Variants in NRXN1 observed in about 807,000 individuals in gnomAD.
NRXN1 encodes neurexin-1.
A neutral mutation model predicts 150.9 loss-of-function variants in NRXN1; 39 were observed. The observed-to-expected ratio is 0.26, with a 90% confidence interval of 0.20 to 0.34. NRXN1 has a LOEUF of 0.34. Ranked by LOEUF, NRXN1 falls within the 10% of genes least tolerant of loss-of-function variation. NRXN1 has a pLI of 1.00. For synonymous variants in NRXN1, 924 were observed against 757.0 expected (o/e 1.22, Z -3.62); for missense variants, 1,815 against 1,949.9 (o/e 0.93, Z 1.30).
chr2:50,490,863 G>A (rs886340610), intron 15 of NRXN1, among the ~76,000 whole-genome samples: 2 of 152,040 alleles, frequency 1.3e-5, no homozygotes, highest in African/African-American at 4.8e-5. Context: ...AGCTGAAAGG[G>A]TTTCTTGTCT....
At chr2:50,562,904 C>A (rs2105404847) in intron 8 of NRXN1, among the ~76,000 whole-genome samples, 1 of 152,158 alleles carries the variant, frequency 6.6e-6, no homozygotes, top group Admixed American at 6.6e-5. Flanking sequence ...GTGTGTTAGG[C>A]TCCTTCCAAT....
At chr2:50,505,343 T>C (rs1212043241) in intron 13 of NRXN1, among the ~76,000 whole-genome samples, 1 of 152,194 alleles carries the variant, frequency 6.6e-6, no homozygotes, top group Non-Finnish European at 1.5e-5. Context: ...AATGGGAATA[T>C]GTGTGTCCTA....
At chr2:50,498,150 T>C (rs2091750033) in intron 13 of NRXN1, among the ~76,000 whole-genome samples, 1 of 152,162 alleles carries the variant, frequency 6.6e-6, no homozygotes, top group South Asian at 2.1e-4. Context: ...GGTGATGTTA[T>C]TCCTTATAAA....
intron 21 of NRXN1, among the ~76,000 whole-genome samples, chr2:50,043,346 T>G (rs536454912): frequency 1.6e-4 from 25 of 152,324 alleles, no homozygotes; most frequent in African/African-American, 4.8e-4. Flanking sequence ...CTGCAGTGTC[T>G]TATCTTCTAT....
chr2:50,070,237 T>C (rs1157085340), intron 19 of NRXN1, among the ~76,000 whole-genome samples: 1 of 152,154 alleles, frequency 6.6e-6, no homozygotes, highest in East Asian at 1.9e-4. Context: ...CTCCTCTTCA[T>C]TTGAAATTTT....
intron 8 of NRXN1, among the ~76,000 whole-genome samples, chr2:50,580,046 T>G (rs898717997): frequency 3.3e-5 from 5 of 152,234 alleles, no homozygotes; most frequent in Non-Finnish European, 5.9e-5. Context: ...GAACAGGTCT[T>G]ATTCTTCTTT....
intron 5 of NRXN1, among the ~76,000 whole-genome samples, chr2:50,697,345 A>G (rs1693057267): frequency 6.6e-6 from 1 of 152,206 alleles, no homozygotes; most frequent in Non-Finnish European, 1.5e-5. Flanking sequence ...TGTCTAAGAG[A>G]GAGGATGCTC....
chr2:50,766,163 G>C (rs866917502), intron 5 of NRXN1, among the ~76,000 whole-genome samples: 1 of 151,948 alleles, frequency 6.6e-6, no homozygotes, highest in East Asian at 1.9e-4. Flanking sequence ...AAGTAGCATA[G>C]AAATCAGGGA....
chr2:49,938,088 GAA>G (rs1671360189), intron 22 of NRXN1, among the ~76,000 whole-genome samples: 1 of 152,122 alleles, frequency 6.6e-6, no homozygotes, highest in Non-Finnish European at 1.5e-5. Flanking sequence ...AATATGACAT[GAA>G]ATTATTTAAA....
chr2:50,090,691 C>T (rs924265455), intron 19 of NRXN1, among the ~76,000 whole-genome samples: 3 of 152,144 alleles, frequency 2.0e-5, no homozygotes, highest in South Asian at 2.1e-4. Flanking sequence ...TTATCAATAA[C>T]GGCTTGACAT....
chr2:50,501,201 C>A (rs138930549), intron 13 of NRXN1, among the ~76,000 whole-genome samples: 1 of 151,904 alleles, frequency 6.6e-6, no homozygotes, highest in African/African-American at 2.4e-5. Flanking sequence ...GAAGGGGAGA[C>A]GGATGAAGGA....
intron 18 of NRXN1, among the ~76,000 whole-genome samples, chr2:50,204,644 T>G (rs2062433763): frequency 6.6e-6 from 1 of 152,046 alleles, no homozygotes; most frequent in Non-Finnish European, 1.5e-5. Flanking sequence ...GGCTTGCCAT[T>G]TGGTTGGGTG....
intron 17 of NRXN1, among the ~76,000 whole-genome samples, chr2:50,313,912 T>C (rs2075378451): frequency 6.6e-6 from 1 of 152,118 alleles, no homozygotes; most frequent in Admixed American, 6.6e-5. Flanking sequence ...TGGGGAGCTC[T>C]GCTGTAAATA....
chr2:49,994,286 G>T (rs921574825), intron 21 of NRXN1, among the ~76,000 whole-genome samples: 1 of 152,130 alleles, frequency 6.6e-6, no homozygotes, highest in African/African-American at 2.4e-5. Context: ...ATTAATATGT[G>T]CAGGCAGAAA....
intron 18 of NRXN1, among the ~76,000 whole-genome samples, chr2:50,175,454 T>C (rs1433568450): frequency 6.6e-6 from 1 of 152,118 alleles, no homozygotes; most frequent in Non-Finnish European, 1.5e-5. Flanking sequence ...ATAACTATTT[T>C]TAGGCAGATG....
In NRXN1 at chr2:51,027,682, C is replaced by T. The variant is rs1354401829; in HGVS notation, c.592G>A (p.Asp198Asn). Residue 198 changes from aspartate to asparagine, a missense_variant, in exon 2 of 23, where the codon GAC becomes AAC. Transcript: ENST00000401669. ...RVNSSQVLPV[D>N]SGEVKLDDEP... ...TCGTCCAGCTTCACCTCGCCGCTGT[C>T]CACGGGCAGGACCTGCGAGGAGTTG... 6.2e-7 allele frequency: 1 copy of T among 1,604,614 alleles called. No homozygotes were observed. The highest frequency in any genetic ancestry group is 8.5e-7 in the Non-Finnish European group (1 of 1,175,516).
At chr2:50,517,682 G>A (rs6707531) in intron 12 of NRXN1, among the ~76,000 whole-genome samples, 131,240 of 152,068 alleles carry the variant, frequency 0.86, 57,090 homozygotes, top group African/African-American at 0.97. Context: ...ACAGCCTAGT[G>A]GAACAAAATG....
In NRXN1 at chr2:50,056,867, T is replaced by C. The variant is rs186339389; in HGVS notation, c.3719-1823A>G. Among the ~76,000 whole-genome samples, 99 of 152,272 alleles carry C rather than the reference T, an allele frequency of 6.5e-4. 1 individual carries two copies. Among genetic ancestry groups the C allele is most frequent in the Admixed American group, 3.1e-3 (48 of 15,274 alleles). On this transcript the variant is annotated intron_variant, in intron 19 of 22. Transcript: ENST00000401669. The stretch of plus-strand genomic sequence containing the variant: ...AGTCTTATTTGTCACTCAATACTCA[T>C]ACCAACTCACATTGGCATAACACTT...
At chr2:50,165,683 C>G (rs945800774) in intron 18 of NRXN1, among the ~76,000 whole-genome samples, 2 of 152,252 alleles carry the variant, frequency 1.3e-5, no homozygotes, top group South Asian at 2.1e-4. Context: ...GGTCTCTGAG[C>G]CTTACTTTCC....
Sources: gnomAD v4.1 joint callset for allele counts (sites outside exome capture counted in the v4.1 genomes callset) on GRCh38, gnomAD v4.1.1 for gene constraint, MANE v1.5 for transcripts, NCBI Gene and HGNC (gene_info 2026-07-23, HGNC 2026-07-21) for gene names.